Variants in RBM18 observed in about 807,000 individuals in gnomAD.
The protein encoded by RBM18 is RNA binding motif protein 18, also known as probable RNA-binding protein 18.
A neutral mutation model predicts 26.4 loss-of-function variants in RBM18; 18 were observed. That is an observed-to-expected ratio of 0.68 (90% CI 0.47 to 1.01). The LOEUF (loss-of-function observed/expected upper bound fraction) is 1.01. RBM18 is among the 50% of genes least tolerant of loss of function. RBM18 has a pLI of 0.00. For missense variants in RBM18, 180 were observed against 219.2 expected, an observed-to-expected ratio of 0.82 and a Z score of 1.13; for synonymous variants, 74 against 81.1, an observed-to-expected ratio of 0.91 and a Z score of 0.47.
intron 2 of RBM18, among the ~76,000 whole-genome samples, chr9:122,252,713 A>G (rs1461951175): frequency 6.6e-6 from 1 of 152,228 alleles, no homozygotes; most frequent in Admixed American, 6.5e-5. Flanking sequence ...CAGTTGCCTT[A>G]AAACAGTTTA....
At chr9:122,244,349 C>T (rs368788992) in intron 5 of RBM18, among the ~76,000 whole-genome samples, 12 of 152,272 alleles carry the variant, frequency 7.9e-5, no homozygotes, top group Admixed American at 2.6e-4. Flanking sequence ...CATCACTTTC[C>T]TGACTTTAGA....
chr9:122,246,760 G>T (rs1454316101), intron 4 of RBM18, among the ~76,000 whole-genome samples: 1 of 152,146 alleles, frequency 6.6e-6, no homozygotes, highest in Non-Finnish European at 1.5e-5. Flanking sequence ...TAGAGCTAAA[G>T]ATTTCAGCTC....
Position 122,242,020 on chromosome 9 carries a change from A to G in RBM18, c.437T>C (p.Ile146Thr), listed in dbSNP as rs1223633773. 6.2e-6 allele frequency: 10 copies of G among 1,613,926 alleles called. No individual in the cohort carries two copies. The highest frequency in any genetic ancestry group is 2.2e-5 in the East Asian group (1 of 44,870). The change falls in exon 6 of 6, where the codon ATT becomes ACT. Residue 146 changes from isoleucine to threonine, a missense_variant. Physicochemically the swap from Ile to Thr is moderately conservative, Grantham distance 89. Coordinates refer to ENST00000417201, the MANE Select transcript of RBM18 (RefSeq NM_033117.4). ...NLSVTAKIKA[I>T]EAKLKMMAEN... is the part of the protein sequence containing the mutation. The stretch of plus-strand genomic sequence containing the variant: ...CGCCATCATTTTCAGTTTTGCTTCA[A>G]TGGCTTTTATCTTTGCAGTGACACT...
chr9:122,237,791 T>C lies in RBM18; in HGVS notation c.*4093A>G, dbSNP rs1192385928. 1 of 152,226 alleles carries C rather than the reference T, an allele frequency of 6.6e-6. No homozygotes were observed. Among genetic ancestry groups the C allele is most frequent in the East Asian group, 1.9e-4 (1 of 5,202 alleles). 9.4% of individuals were successfully genotyped at this position (152,226 alleles called of 1,614,324 possible). ...CAGGTTTTGTAGGCCACAGTCTTCATTGCCAACTATTCAACTCTTCTATTA... is the reference window on the plus strand; with the variant it reads ...CAGGTTTTGTAGGCCACAGTCTTCACTGCCAACTATTCAACTCTTCTATTA... On this transcript the variant is annotated 3_prime_UTR_variant, in exon 6 of 6. Coordinates refer to ENST00000417201, the MANE Select transcript of RBM18 (RefSeq NM_033117.4).
At chr9:122,260,948 A>G (rs1435420884) in intron 2 of RBM18, among the ~76,000 whole-genome samples, 1 of 152,118 alleles carries the variant, frequency 6.6e-6, no homozygotes, top group Non-Finnish European at 1.5e-5. Flanking sequence ...CTGACCTTCT[A>G]TAGTTCTATG....
intron 2 of RBM18, among the ~76,000 whole-genome samples, chr9:122,253,020 G>A (rs183196128): frequency 3.4e-4 from 52 of 152,156 alleles, no homozygotes; most frequent in Middle Eastern, 6.8e-3. Context: ...GGCATCCTCC[G>A]TGCTATTCAA....
In RBM18 at chr9:122,241,965, C is replaced by T. The variant is rs377016959; in HGVS notation, c.492G>A (p.Ala164=). Residue 164 remains alanine (A), a synonymous_variant, in exon 6 of 6, where the codon GCG becomes GCA. Coordinates refer to ENST00000417201, the MANE Select transcript of RBM18 (RefSeq NM_033117.4). ...AENPDAEYPA[A]PVYSYFKPPD... ...GTGGCTTAAAGTAGGAATAAACAGG[C>T]GCTGCTGGATACTCTGCATCAGGAT... The T allele has an allele frequency of 1.5e-5, 24 of 1,613,882 alleles. No individual in the cohort carries two copies. Among genetic ancestry groups the T allele is most frequent in the Admixed American group, 1.3e-4 (8 of 59,984 alleles).
chr9:122,238,203 G>C lies in RBM18; in HGVS notation c.*3681C>G, dbSNP rs1452919784. ...TTGGCTCTCAAATACCAGAATTCTT[G>C]TAGTTTATCCAACAAATATTTATTG... On this transcript the variant is annotated 3_prime_UTR_variant, in exon 6 of 6. Coordinates refer to ENST00000417201, the MANE Select transcript of RBM18 (RefSeq NM_033117.4). The C allele has an allele frequency of 2.0e-5, 3 of 152,176 alleles. No homozygotes were observed. Among genetic ancestry groups the C allele is most frequent in the Admixed American group, 6.5e-5 (1 of 15,276 alleles). 9.4% of individuals were successfully genotyped at this position (152,176 alleles called of 1,614,324 possible). A position where few individuals can be genotyped will look rare whatever the true frequency, so the allele number is the denominator to read the frequency against.
intron 4 of RBM18, among the ~76,000 whole-genome samples, chr9:122,245,898 A>G (rs1471485432): frequency 6.6e-6 from 1 of 152,116 alleles, no homozygotes; most frequent in African/African-American, 2.4e-5. Flanking sequence ...AGGCTGAGGT[A>G]AGAGGATTGC....
At position 122,253,539 on chromosome 9, in the gene RBM18, G is replaced by A. The variant is rs188594073; in HGVS notation, c.114-1566C>T. On this transcript the variant is annotated intron_variant, in intron 2 of 5. Coordinates refer to ENST00000417201, the MANE Select transcript of RBM18 (RefSeq NM_033117.4). ...AAACGAAGACACCTTAAGTGCAAAT[G>A]TGTGGTTTTACTTGACTTTTTGAAC... Among the ~76,000 whole-genome samples, 937 of 152,236 alleles carry A rather than the reference G, an allele frequency of 6.2e-3. 7 individuals carry two copies. The highest frequency in any genetic ancestry group is 7.4e-3 in the Non-Finnish European group (501 of 67,996).
rs144381618 is a variant in RBM18, at chr9:122,251,856, T to C, written c.231A>G (p.Glu77=). The stretch of plus-strand genomic sequence containing the variant: ...GAGAAAGCTTAATTACCTGCTTAGT[T>C]TCAAAGTTAACAAAACAGTAGCCTC... ...QPRGYCFVNF[E]TKQEAEQAIQ... The change falls in exon 3 of 6, where the codon GAA becomes GAG. Residue 77 remains glutamate, a synonymous_variant. Transcript: ENST00000417201. 2.5e-5 allele frequency: 41 copies of C among 1,613,984 alleles called. No individual in the cohort carries two copies. The African/African-American group carries it at 5.2e-4, about 20-fold the overall frequency.
intron 3 of RBM18, among the ~76,000 whole-genome samples, chr9:122,248,606 TCAGA>T (rs1037773017): frequency 1.3e-5 from 2 of 152,078 alleles, no homozygotes; most frequent in African/African-American, 4.8e-5. Context: ...CCTTTCCCCA[TCAGA>T]CAGAGGAGTA....
At chr9:122,247,124 T>C (rs1831517625) in intron 4 of RBM18, among the ~76,000 whole-genome samples, 1 of 152,138 alleles carries the variant, frequency 6.6e-6, no homozygotes, top group Admixed American at 6.6e-5. Flanking sequence ...CTCAAGCGTT[T>C]AGAATAAACA....
chr9:122,250,844 C>T (rs1355562721), intron 3 of RBM18, among the ~76,000 whole-genome samples: 1 of 151,748 alleles, frequency 6.6e-6, no homozygotes, highest in Admixed American at 6.6e-5. Flanking sequence ...TCTCAGTTAT[C>T]TATATTTTCA....
At chr9:122,255,342 A>G (rs577814165) in intron 2 of RBM18, among the ~76,000 whole-genome samples, 1 of 152,328 alleles carries the variant, frequency 6.6e-6, no homozygotes, top group African/African-American at 2.4e-5. Context: ...GGACTGAGAG[A>G]GAAACAGGTT....
Position 122,245,259 on chromosome 9 carries a change from A to G in RBM18, c.410T>C (p.Leu137Pro), listed in dbSNP as rs1201947496. The change falls in exon 5 of 6, where the codon CTA becomes CCA. Residue 137 changes from leucine (L) to proline (P), a missense_variant. This residue lies in a region of RBM18 where 103 missense variants were observed against 102.8 expected (regional missense o/e 1.00). Coordinates refer to ENST00000417201, the MANE Select transcript of RBM18 (RefSeq NM_033117.4). Reference protein sequence around the residue: ...SSSTEPTQSNLSVTAKIKAIE... With the variant: ...SSSTEPTQSNPSVTAKIKAIE... Reference sequence around the variant, plus strand: ...TTTCTATAGTACATCATCTTACCTTAGGTTAGACTGAGTAGGCTCAGTGCT... The same window carrying G: ...TTTCTATAGTACATCATCTTACCTTGGGTTAGACTGAGTAGGCTCAGTGCT... 2.5e-6 allele frequency: 4 copies of G among 1,575,638 alleles called. No homozygotes were observed. Among genetic ancestry groups the G allele is most frequent in the Non-Finnish European group, 3.5e-6 (4 of 1,145,464 alleles).
rs750467941 is a variant in RBM18, at chr9:122,241,902, T to A, written c.555A>T (p.Ala185=). ...ACAACCATCATCTTCGAGATTTCCA[T>A]GCTGTTCTAGAATATGGAGTAGTCC... The part of the protein sequence containing the change: ...KKRTTPYSRT[A]WKSRR The change falls in exon 6 of 6, where the codon GCA becomes GCT. Residue 185 remains alanine (A), a synonymous_variant. Coordinates refer to ENST00000417201, the MANE Select transcript of RBM18 (RefSeq NM_033117.4). 1.9e-6 allele frequency: 3 copies of A among 1,612,812 alleles called. No homozygotes were observed. Among genetic ancestry groups the A allele is most frequent in the Non-Finnish European group, 2.5e-6 (3 of 1,179,642 alleles).
chr9:122,258,733 G>A (rs1407391051), intron 2 of RBM18, among the ~76,000 whole-genome samples: 1 of 151,932 alleles, frequency 6.6e-6, no homozygotes, highest in Non-Finnish European at 1.5e-5. Flanking sequence ...AAGCCCAGGA[G>A]TTTGACAACA....
At chr9:122,257,709 G>GT (rs1249598526) in intron 2 of RBM18, among the ~76,000 whole-genome samples, 2 of 152,172 alleles carry the variant, frequency 1.3e-5, no homozygotes, top group Non-Finnish European at 2.9e-5. Context: ...ATTCATAACA[G>GT]TAAGTTTATA....
Sources: allele counts gnomAD v4.1 joint callset (sites outside exome capture counted in the v4.1 genomes callset), GRCh38; gene constraint gnomAD v4.1.1; regional missense constraint gnomAD v4.1.1; transcripts MANE v1.5; gene names NCBI Gene and HGNC (gene_info 2026-07-23, HGNC 2026-07-21).